RSPH3: variants seen among roughly 807,000 people sequenced by gnomAD.
RSPH3 encodes radial spoke head 3.
In RSPH3, 21 loss-of-function variants were observed where a neutral mutation model predicts 43.8. The observed-to-expected ratio is 0.48, with a 90% CI of 0.34 to 0.69. The LOEUF (loss-of-function observed/expected upper bound fraction) is 0.69. RSPH3 is among the 30% of genes least tolerant of loss of function. RSPH3 has a pLI of 0.01. For synonymous variants in RSPH3, 173 were observed against 179.8 expected (o/e 0.96, Z 0.30); for missense variants, 487 against 516.0 (o/e 0.94, Z 0.54).
At chr6:158,965,812 A>G in the RSPH3 span, among the ~76,000 whole-genome samples, 1 of 152,126 alleles carries the variant, frequency 6.6e-6, no homozygotes, top group Non-Finnish European at 1.5e-5. Context: ...GTGGCAAGAT[A>G]AGGTGTCTTT....
At chr6:158,981,155 CAT>C (rs1464022308) in intron 5 of RSPH3, among the ~76,000 whole-genome samples, 5 of 152,056 alleles carry the variant, frequency 3.3e-5, no homozygotes, top group Admixed American at 2.0e-4. Context: ...TAAGGTAAAA[CAT>C]GTCACTATTC....
At chr6:158,962,985 G>A in the RSPH3 span, among the ~76,000 whole-genome samples, 2 of 152,160 alleles carry the variant, frequency 1.3e-5, no homozygotes, top group Non-Finnish European at 2.9e-5. Context: ...ACACATTTAT[G>A]ATTGAAAATG....
intron 2 of RSPH3, among the ~76,000 whole-genome samples, chr6:158,990,011 C>A (rs1778354316): frequency 6.6e-6 from 1 of 152,096 alleles, no homozygotes. Flanking sequence ...AGAGACTGGC[C>A]TAGCCCCCCA....
At chr6:158,985,663 G>A (rs1384688416) in intron 3 of RSPH3, among the ~76,000 whole-genome samples, 4 of 151,846 alleles carry the variant, frequency 2.6e-5, no homozygotes, top group Admixed American at 6.6e-5. Context: ...TGATCCTCCC[G>A]CCTTGCCTCC....
At chr6:158,983,321 G>A (rs1007620831) in intron 4 of RSPH3, among the ~76,000 whole-genome samples, 2 of 151,818 alleles carry the variant, frequency 1.3e-5, no homozygotes, top group Non-Finnish European at 2.9e-5. Context: ...ACTAACTGTG[G>A]AATTTTTTAT....
intron 1 of RSPH3, among the ~76,000 whole-genome samples, chr6:158,998,059 A>T (rs1230762797): frequency 2.0e-5 from 3 of 152,170 alleles, no homozygotes. Context: ...TCCTGCATCC[A>T]TGGAGCTTGC....
intron 1 of RSPH3, among the ~76,000 whole-genome samples, chr6:158,997,458 A>T (rs891807783): frequency 6.6e-6 from 1 of 152,020 alleles, no homozygotes; most frequent in African/African-American, 2.4e-5. Context: ...CACTTAAAAA[A>T]TATTTTATTC....
intron 1 of RSPH3, among the ~76,000 whole-genome samples, chr6:158,995,468 A>T (rs994659201): frequency 1.3e-5 from 2 of 152,164 alleles, no homozygotes; most frequent in African/African-American, 4.8e-5. Flanking sequence ...TCCAGCCTCT[A>T]GAGACTGCCC....
downstream of RSPH3, among the ~76,000 whole-genome samples, chr6:158,968,139 T>G (rs1777650936): frequency 6.6e-6 from 1 of 152,224 alleles, no homozygotes; most frequent in Non-Finnish European, 1.5e-5. Context: ...GTCTTATGTA[T>G]TTTTTGTACC....
intron 6 of RSPH3, 34 bp downstream of exon 6, chr6:158,980,740 C>T: frequency 6.4e-7 from 1 of 1,555,010 alleles, no homozygotes; most frequent in African/African-American, 1.4e-5. Context: ...ATGCTTATTA[C>T]AACAAAATTA....
the RSPH3 span, among the ~76,000 whole-genome samples, chr6:158,966,300 G>T: frequency 6.6e-6 from 1 of 152,084 alleles, no homozygotes; most frequent in African/African-American, 2.4e-5. Context: ...CAGTTTTCTT[G>T]TGATGTCTTT....
intron 1 of RSPH3, among the ~76,000 whole-genome samples, chr6:158,999,196 T>A (rs1376732079): frequency 6.6e-6 from 1 of 151,272 alleles, no homozygotes; most frequent in Non-Finnish European, 1.5e-5. Flanking sequence ...TTCGTGTACA[T>A]GTTAAGGACC....
rs1777767075 is a variant in RSPH3 at position 158,974,128 on chromosome 6, T to C, written c.*3410A>G. 6.6e-6 allele frequency: 1 copy of C among 152,230 alleles called. No homozygotes were observed. Among genetic ancestry groups the C allele is most frequent in the Non-Finnish European group, 1.5e-5 (1 of 68,052 alleles). 9.4% of individuals were successfully genotyped at this position (152,230 alleles called of 1,614,324 possible). On this transcript the variant is annotated 3_prime_UTR_variant, in exon 8 of 8. Coordinates refer to ENST00000367069, the MANE Select transcript of RSPH3 (RefSeq NM_031924.8). ...CCAGGAATGACAATTTCAATATATTTACTATCTGTTCTTCATTTTATTATT... is the reference window on the plus strand; with the variant it reads ...CCAGGAATGACAATTTCAATATATTCACTATCTGTTCTTCATTTTATTATT...
intron 1 of RSPH3, among the ~76,000 whole-genome samples, chr6:158,994,604 T>C (rs1460305367): frequency 1.3e-5 from 2 of 152,058 alleles, no homozygotes; most frequent in South Asian, 2.1e-4. Context: ...TGAGCTGAGA[T>C]TGGGCTACTG....
the RSPH3 span, among the ~76,000 whole-genome samples, chr6:158,966,810 CTATTT>C: frequency 6.6e-6 from 1 of 151,416 alleles, no homozygotes; most frequent in Admixed American, 6.6e-5. Flanking sequence ...TTTCTATTCT[CTATTT>C]CATTTATTTC....
At chr6:158,994,037 T>C in intron 1 of RSPH3, 111 bp from the exon 2 acceptor site, 1 of 604,070 alleles carries the variant, frequency 1.7e-6, no homozygotes. Context: ...AGAAAATAAA[T>C]TTCTGTTTTA....
chr6:158,977,941 C>T, intron 7 of RSPH3, 93 bp from the exon 8 acceptor site: 17 of 1,102,582 alleles, frequency 1.5e-5, no homozygotes, highest in Non-Finnish European at 2.2e-5. Context: ...TTACAAAAAC[C>T]TTCACGAAGC....
rs115089766 is a variant in RSPH3, at chr6:158,983,606, C to T, written c.492+56G>A. On this transcript the variant is annotated intron_variant, in intron 4 of 7. Transcript: ENST00000367069. ...TGCTCATATTAAGCATTATCTACAC[C>T]TAACTTTACCTCATTTATAAAGATT... 2.6e-3 allele frequency: 3,553 copies of T among 1,353,952 alleles called. 72 individuals carry two copies. In the African/African-American group the frequency reaches 0.044, roughly 17 times the overall value. 83.9% of individuals were successfully genotyped at this position (1,353,952 alleles called of 1,614,324 possible).
chr6:158,982,435 T>C (rs1224492697), intron 5 of RSPH3, 50 bp downstream of exon 5: 6 of 1,197,000 alleles, frequency 5.0e-6, no homozygotes, highest in African/African-American at 4.6e-5. Flanking sequence ...GAACATAATA[T>C]GCTAACTAGC....
Sources: gnomAD v4.1 joint callset for allele counts (sites outside exome capture counted in the v4.1 genomes callset) on GRCh38, gnomAD v4.1.1 for gene constraint, MANE v1.5 for transcripts, NCBI Gene and HGNC (gene_info 2026-07-23, HGNC 2026-07-21) for gene names.